Variants in PPARGC1A observed in about 807,000 individuals in gnomAD.
PPARGC1A encodes the protein PPARG coactivator 1 alpha.
PPARGC1A carries 25 observed loss-of-function variants against 88.7 expected under a neutral mutation model. That is an observed-to-expected ratio of 0.28 (90% CI 0.21 to 0.39). The LOEUF is 0.39. PPARGC1A is among the 10% of genes least tolerant of loss of function. The pLI is 1.00. For missense variants in PPARGC1A, 880 were observed against 968.7 expected (o/e 0.91, Z 1.22); for synonymous variants, 363 against 355.6 (o/e 1.02, Z -0.24).
chr4:24,399,791 CTTTTTTTTTTT>C, the PPARGC1A span, among the ~76,000 whole-genome samples: 1 of 141,620 alleles, frequency 7.1e-6, no homozygotes, highest in Non-Finnish European at 1.5e-5. Context: ...AAGGAATCTC[CTTTTTTTTTTT>C]TTTTGAGACA....
the PPARGC1A span, among the ~76,000 whole-genome samples, chr4:24,441,633 T>C: frequency 1.3e-5 from 2 of 150,894 alleles, no homozygotes; most frequent in Non-Finnish European, 2.9e-5. Flanking sequence ...CCTACAGCCC[T>C]GGCTATTGTC....
chr4:24,319,808 T>A, the PPARGC1A span, among the ~76,000 whole-genome samples: 2 of 152,236 alleles, frequency 1.3e-5, no homozygotes, highest in African/African-American at 2.4e-5. Context: ...CAGAATGAGT[T>A]GAATTCACTA....
chr4:23,949,976 T>C, the PPARGC1A span, among the ~76,000 whole-genome samples: 1 of 152,184 alleles, frequency 6.6e-6, no homozygotes, highest in East Asian at 1.9e-4. Context: ...AAAATGTGGC[T>C]GAGTTTAGAT....
intron 1 of PPARGC1A, among the ~76,000 whole-genome samples, chr4:23,885,364 T>C (rs1716694554): frequency 6.6e-6 from 1 of 152,192 alleles, no homozygotes; most frequent in Admixed American, 6.6e-5. Flanking sequence ...CTCAATAAAC[T>C]ATTGCTAAAT....
At chr4:24,128,159 C>T in the PPARGC1A span, among the ~76,000 whole-genome samples, 1 of 152,098 alleles carries the variant, frequency 6.6e-6, no homozygotes, top group Non-Finnish European at 1.5e-5. Flanking sequence ...GATCAGCATC[C>T]CCCACTTTGT....
At chr4:24,035,228 A>G in the PPARGC1A span, among the ~76,000 whole-genome samples, 1 of 152,204 alleles carries the variant, frequency 6.6e-6, no homozygotes, top group South Asian at 2.1e-4. Context: ...TCATTACATA[A>G]TAGAAACAAT....
chr4:24,188,063 T>C, the PPARGC1A span, among the ~76,000 whole-genome samples: 1 of 152,214 alleles, frequency 6.6e-6, no homozygotes, highest in Non-Finnish European at 1.5e-5. Flanking sequence ...AATTATCCTC[T>C]ATATGGACTG....
At chr4:23,863,708 G>A (rs1008185501) in intron 2 of PPARGC1A, among the ~76,000 whole-genome samples, 2 of 152,010 alleles carry the variant, frequency 1.3e-5, no homozygotes, top group African/African-American at 4.8e-5. Context: ...TTTCCTCTCC[G>A]TCCATGGAAA....
chr4:23,935,095 A>C, the PPARGC1A span, among the ~76,000 whole-genome samples: 3 of 152,176 alleles, frequency 2.0e-5, no homozygotes, highest in African/African-American at 7.2e-5. Flanking sequence ...AGGCAAAGCC[A>C]AGGATCCTTC....
At chr4:24,003,991 T>C in the PPARGC1A span, among the ~76,000 whole-genome samples, 4 of 152,190 alleles carry the variant, frequency 2.6e-5, no homozygotes, top group East Asian at 7.7e-4. Flanking sequence ...AAAATAATCA[T>C]GCATTGAAGT....
the PPARGC1A span, among the ~76,000 whole-genome samples, chr4:24,305,034 G>C: frequency 5.3e-5 from 8 of 151,758 alleles, no homozygotes; most frequent in African/African-American, 1.9e-4. Context: ...CAGTCAAGTA[G>C]GTTGTTGCAA....
rs1226020548 is a variant in PPARGC1A at position 23,829,542 on chromosome 4, T to C, written c.473A>G (p.Tyr158Cys). Residue 158 changes from tyrosine (Y) to cysteine (C), a missense_variant, in exon 4 of 13, where the codon TAT (tyrosine) becomes TGT (cysteine). Transcript: ENST00000264867. ...LLAPANTQLS[Y>C]NECSGLSTQN... ...GGTACTGAGACCACTGCATTCATTATAACTTAGCTGAGTGTTGGCTGGTGC... is the reference window on the plus strand; with the variant it reads ...GGTACTGAGACCACTGCATTCATTACAACTTAGCTGAGTGTTGGCTGGTGC... 6.2e-7 allele frequency: 1 copy of C among 1,613,438 alleles called. No individual in the cohort carries two copies. Among genetic ancestry groups the C allele is most frequent in the Admixed American group, 1.7e-5 (1 of 59,994 alleles).
the PPARGC1A span, among the ~76,000 whole-genome samples, chr4:24,261,878 CT>C: frequency 6.6e-6 from 1 of 152,162 alleles, no homozygotes; most frequent in Non-Finnish European, 1.5e-5. Flanking sequence ...AGTTTATTCT[CT>C]GAATACAATC....
At chr4:24,100,373 C>T in the PPARGC1A span, among the ~76,000 whole-genome samples, 1 of 152,174 alleles carries the variant, frequency 6.6e-6, no homozygotes, top group Admixed American at 6.5e-5. Flanking sequence ...CTGCTTGTCA[C>T]TACCTCTGGA....
At chr4:24,193,466 C>T in the PPARGC1A span, among the ~76,000 whole-genome samples, 9 of 152,278 alleles carry the variant, frequency 5.9e-5, no homozygotes, top group South Asian at 1.2e-3. Flanking sequence ...GGGAGTGTCC[C>T]GCAGTGAGAC....
the PPARGC1A span, among the ~76,000 whole-genome samples, chr4:24,224,848 G>C: frequency 6.6e-6 from 1 of 152,192 alleles, no homozygotes; most frequent in Non-Finnish European, 1.5e-5. Flanking sequence ...GCTCAGGAGA[G>C]ACCTCACTGA....
chr4:23,818,838 T>C (rs1453010454), intron 7 of PPARGC1A, among the ~76,000 whole-genome samples: 1 of 85,950 alleles, frequency 1.2e-5, no homozygotes, highest in Non-Finnish European at 2.3e-5. Context: ...ACCAATGGCA[T>C]CTTTTTTTTT....
chr4:24,057,460 A>T, the PPARGC1A span, among the ~76,000 whole-genome samples: 1 of 70,256 alleles, frequency 1.4e-5, no homozygotes, highest in Non-Finnish European at 3.5e-5. Context: ...ATGGTTTAAA[A>T]AAAAAAAAAA....
chr4:24,360,673 C>A, the PPARGC1A span, among the ~76,000 whole-genome samples: 3 of 152,166 alleles, frequency 2.0e-5, no homozygotes, highest in African/African-American at 7.2e-5. Flanking sequence ...AAATGCACAG[C>A]AGTTGAGGTG....
Sources: gnomAD v4.1 joint callset for allele counts (sites outside exome capture counted in the v4.1 genomes callset) on GRCh38, gnomAD v4.1.1 for gene constraint, MANE v1.5 for transcripts, NCBI Gene and HGNC (gene_info 2026-07-23, HGNC 2026-07-21) for gene names.